The following SASS6 variants were observed in gnomAD, a reference collection of about 807,000 sequenced individuals.
SASS6 encodes spindle assembly abnormal protein 6 homolog.
Under a neutral mutation model 94.9 loss-of-function variants are expected in SASS6, and 59 were observed. That is an observed-to-expected ratio of 0.62 (90% confidence interval 0.50 to 0.77). SASS6 has a LOEUF of 0.77. Ranked by LOEUF, SASS6 falls within the 30% of genes least tolerant of loss-of-function variation. The pLI is 0.00. For synonymous variants in SASS6, 264 were observed against 270.0 expected (o/e 0.98, Z 0.22); for missense variants, 698 against 734.1 (o/e 0.95, Z 0.57).
chr1:100,100,870 C>T (rs548243442), intron 14 of SASS6, among the ~76,000 whole-genome samples: 348 of 152,248 alleles, frequency 2.3e-3, no homozygotes, highest in Non-Finnish European at 3.3e-3. Flanking sequence ...GTCTTTGAGT[C>T]GGGGAGGACA....
rs1321728332 is a variant in SASS6 at position 100,084,667 on chromosome 1, T to C, written c.*661A>G. The stretch of plus-strand genomic sequence containing the variant: ...AGGAAGCACTGAAGTTTTAAAAACT[T>C]GTCAGCTCAAATGACAAAAGCACTT... On this transcript the variant is annotated 3_prime_UTR_variant, in exon 17 of 17. Transcript: ENST00000287482. The C allele has an allele frequency of 6.6e-6, 1 of 152,098 alleles. No homozygotes were observed. Among genetic ancestry groups the C allele is most frequent in the Non-Finnish European group, 1.5e-5 (1 of 67,970 alleles). The allele number at this position is 152,098 out of a possible 1,614,324, so 9.4% of individuals were successfully genotyped here.
At chr1:100,130,409 G>A (rs1376971145) in intron 1 of SASS6, among the ~76,000 whole-genome samples, 1 of 152,166 alleles carries the variant, frequency 6.6e-6, no homozygotes, top group African/African-American at 2.4e-5. Flanking sequence ...GGCTGGGCGT[G>A]GTGGCTCACG....
intron 2 of SASS6, among the ~76,000 whole-genome samples, chr1:100,125,403 G>C (rs372288003): frequency 1.3e-5 from 2 of 151,348 alleles, no homozygotes; most frequent in African/African-American, 4.8e-5. Context: ...GGTATAGGCC[G>C]GGCACAGTGG....
intron 15 of SASS6, among the ~76,000 whole-genome samples, chr1:100,086,465 G>A (rs376527765): frequency 4.0e-5 from 6 of 151,330 alleles, no homozygotes; most frequent in African/African-American, 1.5e-4. Flanking sequence ...CTACAAATAC[G>A]ATTGTCATAT....
At chr1:100,109,528 C>T (rs1008498476) in intron 8 of SASS6, among the ~76,000 whole-genome samples, 3 of 151,998 alleles carry the variant, frequency 2.0e-5, no homozygotes, top group Admixed American at 6.6e-5. Context: ...TGCAGCAAAC[C>T]ACCATGGCAC....
rs1651025548 is a variant in SASS6, at chr1:100,083,837, C to G, written c.*1491G>C. The stretch of plus-strand genomic sequence containing the variant: ...ACCTATATTTTAAAAAAGAGAGCTA[C>G]CTGTATGTCATGCATCCCATCCAAA... On this transcript the variant is annotated 3_prime_UTR_variant, in exon 17 of 17. Coordinates refer to ENST00000287482, the MANE Select transcript of SASS6 (RefSeq NM_194292.3). The G allele has an allele frequency of 6.6e-6, 1 of 151,944 alleles. No homozygotes were observed. Among genetic ancestry groups the G allele is most frequent in the Non-Finnish European group, 1.5e-5 (1 of 67,920 alleles). 9.4% of individuals were successfully genotyped at this position (151,944 alleles called of 1,614,324 possible).
Position 100,107,428 on chromosome 1 carries a change from C to T in SASS6, c.1272G>A (p.Lys424=), listed in dbSNP as rs542528815. 3 of 1,609,834 alleles carry T rather than the reference C, an allele frequency of 1.9e-6. No individual in the cohort carries two copies. The African/African-American group carries it at 4.0e-5, about 21-fold the overall frequency. Residue 424 remains lysine (K), a synonymous_variant, in exon 11 of 17, where the codon AAG becomes AAA. Coordinates refer to ENST00000287482, the MANE Select transcript of SASS6 (RefSeq NM_194292.3). Reference sequence around the variant, plus strand: ...CAACATCTTGTAATTCCTTTTGTTCCTTTTGTAATTTTTCCTCCTTCTCAG... The same window carrying T: ...CAACATCTTGTAATTCCTTTTGTTCTTTTTGTAATTTTTCCTCCTTCTCAG... ...LLAEKEEKLQ[K]EQKELQDVGQ... is the part of the protein sequence containing the mutation.
chr1:100,122,285 AT>A, intron 4 of SASS6, 94 bp downstream of exon 4: 1 of 586,906 alleles, frequency 1.7e-6, no homozygotes, highest in Non-Finnish European at 3.0e-6. Flanking sequence ...AGGGATAGTC[AT>A]AATAAACGGA....
chr1:100,112,833 C>T (rs1341802466), intron 7 of SASS6, among the ~76,000 whole-genome samples: 3 of 152,174 alleles, frequency 2.0e-5, no homozygotes, highest in African/African-American at 7.2e-5. Flanking sequence ...TCCTGGACTC[C>T]ACCCCCGACT....
chr1:100,088,283 G>C, intron 14 of SASS6, 47 bp from the exon 15 acceptor site: 1 of 936,482 alleles, frequency 1.1e-6, no homozygotes, highest in Non-Finnish European at 1.8e-6. Context: ...TATAGAAGTA[G>C]ACAGTTTTGG....
At chr1:100,119,595 C>T (rs1020547283) in intron 6 of SASS6, among the ~76,000 whole-genome samples, 11 of 152,298 alleles carry the variant, frequency 7.2e-5, no homozygotes, top group African/African-American at 2.6e-4. Context: ...TAATCCCCAA[C>T]AGAGGAGGCA....
chr1:100,095,530 CA>C (rs1446264717), intron 14 of SASS6, among the ~76,000 whole-genome samples: 1 of 151,794 alleles, frequency 6.6e-6, no homozygotes, highest in Non-Finnish European at 1.5e-5. Context: ...GACTCTGTCT[CA>C]AAAAATAAAT....
Position 100,105,881 on chromosome 1 carries a change from T to C in SASS6, c.1431A>G (p.Glu477=), listed in dbSNP as rs1652862368. Residue 477 remains glutamate (E), a synonymous_variant, in exon 13 of 17, where the codon GAA becomes GAG. Transcript: ENST00000287482. The part of the protein sequence containing the change: ...NEKLITWLNK[E]LNENQLVRKQ... ...TTCTCACTAGCTGATTTTCATTTAG[T>C]TCTTTATTTAACCACGTGATTACTT... 3 of 1,607,104 alleles carry C rather than the reference T, an allele frequency of 1.9e-6. No homozygotes were observed. Among genetic ancestry groups the C allele is most frequent in the South Asian group, 1.1e-5 (1 of 90,164 alleles).
intron 7 of SASS6, among the ~76,000 whole-genome samples, chr1:100,110,804 A>G (rs1331463647): frequency 1.3e-5 from 2 of 151,998 alleles, no homozygotes; most frequent in African/African-American, 4.8e-5. Flanking sequence ...TTAAAAAAGC[A>G]AACTGCAAAT....
At chr1:100,119,279 C>A (rs1168442388) in intron 6 of SASS6, 142 bp from the exon 7 acceptor site, 11 of 420,614 alleles carry the variant, frequency 2.6e-5, no homozygotes, top group Middle Eastern at 6.9e-4. Flanking sequence ...TTTTCCTACA[C>A]AAAATTTTTT....
chr1:100,129,823 T>C (rs892523835), intron 1 of SASS6, among the ~76,000 whole-genome samples: 53 of 152,192 alleles, frequency 3.5e-4, no homozygotes, highest in African/African-American at 1.1e-3. Flanking sequence ...TGTCAAATCA[T>C]GGGTTCCAAA....
At chr1:100,091,146 A>G (rs1355295893) in intron 14 of SASS6, among the ~76,000 whole-genome samples, 1 of 152,104 alleles carries the variant, frequency 6.6e-6, no homozygotes, top group Non-Finnish European at 1.5e-5. Flanking sequence ...CTCTACTAAA[A>G]ATACAAAAAT....
chr1:100,128,585 A>T (rs1020924602), intron 1 of SASS6, among the ~76,000 whole-genome samples: 1 of 152,198 alleles, frequency 6.6e-6, no homozygotes, highest in African/African-American at 2.4e-5. Flanking sequence ...ATCCCTAGAA[A>T]TATGCTGTAG....
At chr1:100,103,774 C>T (rs1652685788) in intron 13 of SASS6, among the ~76,000 whole-genome samples, 1 of 152,176 alleles carries the variant, frequency 6.6e-6, no homozygotes, top group East Asian at 1.9e-4. Flanking sequence ...AGCAATCTTT[C>T]CCCTTCTTTA....
Sources: allele counts gnomAD v4.1 joint callset (sites outside exome capture counted in the v4.1 genomes callset), GRCh38; gene constraint gnomAD v4.1.1; transcripts MANE v1.5; gene names NCBI Gene and HGNC (gene_info 2026-07-23, HGNC 2026-07-21).